The following ZNF727 variants were observed in gnomAD, a reference collection of about 807,000 sequenced individuals.
ZNF727 encodes putative zinc finger protein 727.
Under a neutral mutation model 11.5 loss-of-function variants are expected in ZNF727, and 11 were observed. The observed-to-expected ratio is 0.95, with a 90% CI of 0.60 to 1.58. The LOEUF (loss-of-function observed/expected upper bound fraction) is 1.58, where lower values mean the gene tolerates loss of function less well. Ranked by LOEUF, ZNF727 falls within the 40% of genes most tolerant of loss-of-function variation. The pLI, the probability that ZNF727 is intolerant of heterozygous loss-of-function variation, is 0.00. For synonymous variants in ZNF727, 171 were observed against 196.1 expected (o/e 0.87, Z 1.07); for missense variants, 533 against 581.7 (o/e 0.92, Z 0.86).
chr7:64,056,021 T>G (rs905405208), intron 1 of ZNF727, among the ~76,000 whole-genome samples: 18 of 152,214 alleles, frequency 1.2e-4, no homozygotes, highest in Non-Finnish European at 2.2e-4. Context: ...CATTCTAATT[T>G]CTCCCTCCTC....
At chr7:64,065,406 ACTGGTTCCAAACCTCCC>A (rs1051566681) in intron 1 of ZNF727, among the ~76,000 whole-genome samples, 3 of 152,168 alleles carry the variant, frequency 2.0e-5, no homozygotes, top group Non-Finnish European at 2.9e-5. Context: ...TTAGGAGTTT[ACTGGTTCCAAACCTCCC>A]CTGTGATAAA....
chr7:64,061,091 A>G (rs186410312), intron 1 of ZNF727, among the ~76,000 whole-genome samples: 2 of 152,308 alleles, frequency 1.3e-5, no homozygotes, highest in Non-Finnish European at 2.9e-5. Context: ...GTGACCTAAC[A>G]TATGGTCTAT....
intron 1 of ZNF727, 87 bp from the exon 2 acceptor site, chr7:64,068,804 G>T: frequency 1.4e-6 from 2 of 1,467,312 alleles, no homozygotes; most frequent in South Asian, 1.2e-5. Flanking sequence ...ATATAAGTCA[G>T]AACCAGCTCT....
At chr7:64,060,809 T>G (rs1182942384) in intron 1 of ZNF727, among the ~76,000 whole-genome samples, 3 of 152,088 alleles carry the variant, frequency 2.0e-5, no homozygotes, top group African/African-American at 7.2e-5. Context: ...TTTTAAACTT[T>G]TTTTGATGTA....
Position 64,077,743 on chromosome 7 carries a change from G to C in ZNF727, c.694G>C (p.Glu232Gln), listed in dbSNP as rs1225893954. The change falls in exon 4 of 4, where the codon GAA becomes CAA. Residue 232 changes from glutamate to glutamine, a missense_variant. Glu to Gln is a conservative substitution (Grantham distance 29). Coordinates refer to ENST00000456806, the MANE Select transcript of ZNF727 (RefSeq NM_001159522.3). ...HTGKKPYKCEECGKTFTCSSA... is the reference protein window; with the variant it reads ...HTGKKPYKCEQCGKTFTCSSA... ...TGGAAAGAAACCCTACAAATGTGAA[G>C]AATGTGGCAAAACATTTACCTGTTC... 2 of 1,583,752 alleles carry C rather than the reference G, an allele frequency of 1.3e-6. No individual in the cohort carries two copies. The highest frequency in any genetic ancestry group is 2.7e-5 in the African/African-American group (2 of 73,864).
intron 3 of ZNF727, among the ~76,000 whole-genome samples, chr7:64,076,558 C>A (rs1785661769): frequency 1.3e-5 from 2 of 152,058 alleles, no homozygotes; most frequent in African/African-American, 4.8e-5. Flanking sequence ...TGCACCACTG[C>A]ACTCCAGTCT....
At chr7:64,059,335 AC>A (rs369550725) in intron 1 of ZNF727, among the ~76,000 whole-genome samples, 7 of 152,380 alleles carry the variant, frequency 4.6e-5, no homozygotes, top group African/African-American at 1.2e-4. Context: ...TAGAAAAAAT[AC>A]AGTGTAACTG....
intron 1 of ZNF727, among the ~76,000 whole-genome samples, chr7:64,053,978 G>A (rs1789643199): frequency 6.6e-6 from 1 of 152,162 alleles, no homozygotes; most frequent in Non-Finnish European, 1.5e-5. Context: ...CCAGCACAGG[G>A]GTGGAAGCAG....
chr7:64,075,983 C>T (rs1785642864), intron 3 of ZNF727, among the ~76,000 whole-genome samples: 1 of 151,750 alleles, frequency 6.6e-6, no homozygotes, highest in East Asian at 1.9e-4. Context: ...TTTAGTAGTA[C>T]ACTATGTTGA....
At chr7:64,076,761 G>A (rs1305310002) in intron 3 of ZNF727, among the ~76,000 whole-genome samples, 1 of 152,178 alleles carries the variant, frequency 6.6e-6, no homozygotes, top group African/African-American at 2.4e-5. Context: ...TCTTCTGCCT[G>A]TAGTCACTTG....
Position 64,084,031 on chromosome 7 carries a change from T to C in ZNF727, c.*5482T>C, listed in dbSNP as rs1334015980. On this transcript the variant is annotated 3_prime_UTR_variant, in exon 4 of 4. Transcript: ENST00000456806. ...TTATGTGAAAGAACATGGTCAATGGTTGCTGCACCAGAGTTAGGAGAAGTT... is the reference window on the plus strand; with the variant it reads ...TTATGTGAAAGAACATGGTCAATGGCTGCTGCACCAGAGTTAGGAGAAGTT... Among the ~76,000 whole-genome samples, 2 of 152,206 alleles carry C rather than the reference T, an allele frequency of 1.3e-5. No individual in the cohort carries two copies. The highest frequency in any genetic ancestry group is 4.8e-5 in the African/African-American group (2 of 41,458).
intron 3 of ZNF727, among the ~76,000 whole-genome samples, chr7:64,075,987 A>G (rs1785643081): frequency 6.6e-6 from 1 of 151,382 alleles, no homozygotes; most frequent in Non-Finnish European, 1.5e-5. Context: ...GTAGTACACT[A>G]TGTTGATTCA....
intron 3 of ZNF727, among the ~76,000 whole-genome samples, chr7:64,075,769 C>T (rs1355356485): frequency 6.6e-6 from 1 of 152,108 alleles, no homozygotes; most frequent in Non-Finnish European, 1.5e-5. Flanking sequence ...TGAAAAGCTA[C>T]CTATGGGGTA....
At chr7:64,051,017 T>A (rs2116269721) in intron 1 of ZNF727, among the ~76,000 whole-genome samples, 1 of 152,312 alleles carries the variant, frequency 6.6e-6, no homozygotes, top group African/African-American at 2.4e-5. Context: ...TATTTAAAGC[T>A]GTATTTAAAA....
Position 64,078,232 on chromosome 7 carries a change from C to T in ZNF727, c.1183C>T (p.Pro395Ser), listed in dbSNP as rs780080862. ...TAAGAGAATTCACACTGGAGAGAAA[C>T]CCTACAAATGTGAAGAATGTGGCAA... ...NHKRIHTGEK[P>S]YKCEECGKSF... The change falls in exon 4 of 4, where the codon CCC (proline) becomes TCC (serine). Residue 395 changes from proline (P) to serine (S), a missense_variant. Pro to Ser is a moderately conservative substitution (Grantham distance 74). Around this residue, in one of 3 missense-constraint regions of ZNF727, gnomAD observed 463 missense variants for 494.5 expected, o/e 0.94. Coordinates refer to ENST00000456806, the MANE Select transcript of ZNF727 (RefSeq NM_001159522.3). 6.2e-6 allele frequency: 10 copies of T among 1,606,618 alleles called. 1 individual carries two copies. The East Asian group carries it at 2.3e-4, about 36-fold the overall frequency.
intron 3 of ZNF727, among the ~76,000 whole-genome samples, chr7:64,073,004 A>G (rs1031820981): frequency 1.3e-5 from 2 of 151,988 alleles, no homozygotes; most frequent in Non-Finnish European, 2.9e-5. Flanking sequence ...AAGTCTGTCT[A>G]TTTCTTATAA....
intron 1 of ZNF727, among the ~76,000 whole-genome samples, chr7:64,059,289 T>C (rs2116289335): frequency 6.6e-6 from 1 of 152,286 alleles, no homozygotes; most frequent in East Asian, 1.9e-4. Flanking sequence ...CACTCTTAGG[T>C]TGAAAAGGAA....
chr7:64,072,317 C>T (rs770500432), intron 3 of ZNF727, among the ~76,000 whole-genome samples: 19 of 151,962 alleles, frequency 1.3e-4, no homozygotes, highest in Admixed American at 3.9e-4. Context: ...AGTTTGTTAC[C>T]AGGAGCCTGG....
rs186212728 is a variant in ZNF727, at chr7:64,077,421, G to C, written c.372G>C (p.Lys124Asn). 6 of 1,551,914 alleles carry C rather than the reference G, an allele frequency of 3.9e-6. No individual in the cohort carries two copies. The African/African-American group carries it at 8.2e-5, about 21-fold the overall frequency. Residue 124 changes from lysine (K) to asparagine (N), a missense_variant, in exon 4 of 4, where the codon AAG (lysine) becomes AAC (asparagine). Transcript: ENST00000456806. ...ACTACCAACGTGTGGGTAATTGCAA[G>C]GGGCAGAAAAGCAGTTATAATGGCA... The part of the protein sequence containing the change: ...KKDYQRVGNC[K>N]GQKSSYNGIH...
Sources: gnomAD v4.1 joint callset for allele counts (sites outside exome capture counted in the v4.1 genomes callset) on GRCh38, gnomAD v4.1.1 for gene constraint, gnomAD v4.1.1 regional missense constraint, MANE v1.5 for transcripts, NCBI Gene and HGNC (gene_info 2026-07-23, HGNC 2026-07-21) for gene names.